FRAS1: variants seen among roughly 807,000 people sequenced by gnomAD.
FRAS1 encodes Fraser extracellular matrix complex subunit 1.
A neutral mutation model predicts 435.2 loss-of-function variants in FRAS1; 290 were observed. That is an observed-to-expected ratio of 0.67 (90% CI 0.61 to 0.73). The LOEUF is 0.73. FRAS1 is among the 30% of genes least tolerant of loss of function. The pLI, the probability that FRAS1 is intolerant of heterozygous loss-of-function variation, is 0.00. For missense variants in FRAS1, 4,860 were observed against 5,001.5 expected (o/e 0.97, Z 0.85); for synonymous variants, 1,800 against 1,851.0 (o/e 0.97, Z 0.71).
Position 78,515,965 on chromosome 4 carries a change from G to A in FRAS1, c.10341G>A (p.Met3447Ile). Residue 3447 changes from methionine (M) to isoleucine (I), a missense_variant, in exon 66 of 74, where the codon ATG becomes ATA. Physicochemically the swap from Met to Ile is conservative, Grantham distance 10. Transcript: ENST00000512123. Reference protein sequence around the residue: ...CVWTFDAYYDMTELIDVCGGS... With the variant: ...CVWTFDAYYDITELIDVCGGS... ...GGACCTTTGATGCTTATTATGACATGACTGAGCTGATTGACGTCTGTGGGG... is the reference window on the plus strand; with the variant it reads ...GGACCTTTGATGCTTATTATGACATAACTGAGCTGATTGACGTCTGTGGGG... 3 of 1,613,922 alleles carry A rather than the reference G, an allele frequency of 1.9e-6. No homozygotes were observed. The highest frequency in any genetic ancestry group is 2.5e-6 in the Non-Finnish European group (3 of 1,179,858).
chr4:78,304,721 T>A (rs908822901), intron 14 of FRAS1, among the ~76,000 whole-genome samples: 1 of 152,178 alleles, frequency 6.6e-6, no homozygotes, highest in African/African-American at 2.4e-5. Context: ...ATCCCCTTTA[T>A]CATTTTTTAT....
intron 2 of FRAS1, among the ~76,000 whole-genome samples, chr4:78,167,580 G>A (rs181115748): frequency 1.3e-5 from 2 of 152,052 alleles, no homozygotes; most frequent in East Asian, 3.9e-4. Flanking sequence ...TATGTGATAA[G>A]CTCAGTTTCA....
chr4:78,089,922 T>G (rs186071864), intron 2 of FRAS1, among the ~76,000 whole-genome samples: 3 of 152,282 alleles, frequency 2.0e-5, no homozygotes, highest in African/African-American at 7.2e-5. Flanking sequence ...CCCTCCATCC[T>G]TAAGTAGGCT....
chr4:78,369,867 T>TC lies in FRAS1; in HGVS notation c.2753dup (p.Gln919ThrfsTer31). On this transcript the variant is annotated frameshift_variant, in exon 23 of 74. Coordinates refer to ENST00000512123, the MANE Select transcript of FRAS1 (RefSeq NM_025074.7). LOFTEE classifies it high-confidence loss of function. ...CAACACACACTGTGGAAGCTGTGAT[T>TC]CACAGGCCAGCTGTACCTCCTGCCG... is the stretch of plus-strand genomic sequence containing the variant. 6.2e-7 allele frequency: 1 copy of TC among 1,613,506 alleles called. No homozygotes were observed. The highest frequency in any genetic ancestry group is 8.5e-7 in the Non-Finnish European group (1 of 1,179,714).
intron 18 of FRAS1, among the ~76,000 whole-genome samples, chr4:78,322,268 T>G (rs1193076091): frequency 6.6e-6 from 1 of 152,216 alleles, no homozygotes; most frequent in Admixed American, 6.5e-5. Context: ...TGTCTATGAA[T>G]CAGGCCTGGG....
At position 78,511,380 on chromosome 4, in the gene FRAS1, C is replaced by T. The variant is rs533042536; in HGVS notation, c.9887C>T (p.Thr3296Ile). 4 of 1,613,924 alleles carry T rather than the reference C, an allele frequency of 2.5e-6. No homozygotes were observed. Among genetic ancestry groups the T allele is most frequent in the East Asian group, 2.2e-5 (1 of 44,868 alleles). ...ACCCCCTTAAGGAGCAACATTGTTA[C>T]CATTGGAACAGACAGTGCTATCTGC... Reference protein sequence around the residue: ...VGTPLRSNIVTIGTDSAICHT... With the variant: ...VGTPLRSNIVIIGTDSAICHT... Residue 3296 changes from threonine to isoleucine, a missense_variant, in exon 64 of 74, where the codon ACC (threonine) becomes ATC (isoleucine). Coordinates refer to ENST00000512123, the MANE Select transcript of FRAS1 (RefSeq NM_025074.7).
chr4:78,537,961 A>G (rs915072824), intron 72 of FRAS1, among the ~76,000 whole-genome samples: 1 of 152,034 alleles, frequency 6.6e-6, no homozygotes, highest in African/African-American at 2.4e-5. Context: ...AAAAAAAGAA[A>G]AAAAAAAGCC....
intron 27 of FRAS1, among the ~76,000 whole-genome samples, chr4:78,383,296 G>A (rs929321714): frequency 6.6e-6 from 1 of 152,152 alleles, no homozygotes; most frequent in African/African-American, 2.4e-5. Flanking sequence ...GGGCAATTGT[G>A]CTCCAGGACA....
Position 78,255,298 on chromosome 4 carries a change from C to G in FRAS1, c.526C>G (p.Arg176Gly). The change falls in exon 6 of 74, where the codon CGG (arginine) becomes GGG (glycine). Residue 176 changes from arginine (R) to glycine (G), a missense_variant. Physicochemically the swap from Arg to Gly is moderately radical, Grantham distance 125. Transcript: ENST00000512123. ...GGATGGGGAGGACTGGCGGCTGAGC[C>G]GGTGTGCCAAATGTCTGTGTAGAAA... ...FQDGEDWRLS[R>G]CAKCLCRNGV... 1 of 1,560,636 alleles carries G rather than the reference C, an allele frequency of 6.4e-7. No homozygotes were observed.
At chr4:78,181,778 T>C in intron 2 of FRAS1, 2 of 1,610,898 alleles carry the variant, frequency 1.2e-6, no homozygotes, top group Non-Finnish European at 1.7e-6. Flanking sequence ...CTCTTTCTTG[T>C]CAACCACGCC....
chr4:78,409,392 T>C (rs187240728), intron 31 of FRAS1, among the ~76,000 whole-genome samples: 29 of 152,018 alleles, frequency 1.9e-4, no homozygotes, highest in African/African-American at 7.0e-4. Context: ...CAGAAGAAAA[T>C]TGATGGCCTT....
At chr4:78,296,765 T>C (rs2110201320) in intron 14 of FRAS1, among the ~76,000 whole-genome samples, 1 of 152,282 alleles carries the variant, frequency 6.6e-6, no homozygotes, top group Middle Eastern at 3.4e-3. Context: ...TTCCCCCTTC[T>C]GTCTTGTGTT....
intron 29 of FRAS1, among the ~76,000 whole-genome samples, chr4:78,389,774 G>A (rs1415263756): frequency 6.6e-6 from 1 of 152,142 alleles, no homozygotes; most frequent in Non-Finnish European, 1.5e-5. Context: ...CAACCATTTT[G>A]TGTGGAATGG....
intron 19 of FRAS1, 39 bp from the exon 20 acceptor site, chr4:78,337,635 A>G: frequency 6.3e-7 from 1 of 1,599,716 alleles, no homozygotes; most frequent in Non-Finnish European, 8.5e-7. Flanking sequence ...ATACATGCTG[A>G]GCTGCTAATT....
At chr4:78,141,595 G>A (rs547770344) in intron 2 of FRAS1, among the ~76,000 whole-genome samples, 3 of 152,144 alleles carry the variant, frequency 2.0e-5, no homozygotes, top group African/African-American at 4.8e-5. Context: ...GAGAGGCTCA[G>A]AAACTGAGCA....
intron 20 of FRAS1, among the ~76,000 whole-genome samples, chr4:78,355,189 A>G (rs1218263564): frequency 6.6e-6 from 1 of 152,060 alleles, no homozygotes; most frequent in Non-Finnish European, 1.5e-5. Flanking sequence ...CTAATACTCC[A>G]TTTTCGGGCT....
intron 2 of FRAS1, among the ~76,000 whole-genome samples, chr4:78,099,055 G>A (rs1741973508): frequency 6.6e-6 from 1 of 152,176 alleles, no homozygotes; most frequent in South Asian, 2.1e-4. Context: ...TTCCAATTCT[G>A]CATTAACAGA....
chr4:78,158,666 G>A (rs1720995223), intron 2 of FRAS1, among the ~76,000 whole-genome samples: 1 of 152,264 alleles, frequency 6.6e-6, no homozygotes, highest in Non-Finnish European at 1.5e-5. Flanking sequence ...TATAGTGTGT[G>A]TTATACTTTT....
intron 2 of FRAS1, among the ~76,000 whole-genome samples, chr4:78,199,984 G>A (rs2110074471): frequency 6.6e-6 from 1 of 152,292 alleles, no homozygotes; most frequent in South Asian, 2.1e-4. Flanking sequence ...TAGGGTAGAA[G>A]ATATGATAAG....
Sources: allele counts gnomAD v4.1 joint callset (sites outside exome capture counted in the v4.1 genomes callset), GRCh38; gene constraint gnomAD v4.1.1; transcripts MANE v1.5; gene names NCBI Gene and HGNC (gene_info 2026-07-23, HGNC 2026-07-21).